ZMYM2: variants seen among roughly 807,000 people sequenced by gnomAD.
The protein encoded by ZMYM2 is zinc finger MYM-type containing 2.
In ZMYM2, 56 loss-of-function variants were observed where a neutral mutation model predicts 162.8. That is an observed-to-expected ratio of 0.34 (90% CI 0.28 to 0.43). The LOEUF (loss-of-function observed/expected upper bound fraction) is 0.43. ZMYM2 is among the 20% of genes least tolerant of loss of function. The pLI, the probability that ZMYM2 is intolerant of heterozygous loss-of-function variation, is 1.00. For synonymous variants in ZMYM2, 510 were observed against 541.6 expected (o/e 0.94, Z 0.81); for missense variants, 1,275 against 1,621.8 (o/e 0.79, Z 3.67).
intron 12 of ZMYM2, among the ~76,000 whole-genome samples, chr13:20,044,395 G>T (rs1198723185): frequency 3.3e-5 from 5 of 152,150 alleles, no homozygotes; most frequent in Non-Finnish European, 7.3e-5. Flanking sequence ...CCAGTGTGTG[G>T]TAGCCCCATG....
the ZMYM2 span, among the ~76,000 whole-genome samples, chr13:19,935,777 T>C: frequency 1.3e-5 from 2 of 152,260 alleles, no homozygotes; most frequent in South Asian, 2.1e-4. Flanking sequence ...CCTTATAGGA[T>C]ACAGAGTAAT....
At chr13:20,002,591 C>T (rs1347923128) in intron 3 of ZMYM2, among the ~76,000 whole-genome samples, 3 of 152,082 alleles carry the variant, frequency 2.0e-5, no homozygotes, top group Non-Finnish European at 4.4e-5. Context: ...CTAGATTGAG[C>T]TCTGAGTTAC....
the ZMYM2 span, among the ~76,000 whole-genome samples, chr13:19,870,523 CTCTTTCTT>C: frequency 2.2e-3 from 273 of 126,380 alleles, 2 homozygotes; most frequent in South Asian, 8.3e-3. Flanking sequence ...CCCTCTTTCT[CTCTTTCTT>C]TCTTTCTCTT....
chr13:19,940,315 G>A, the ZMYM2 span, among the ~76,000 whole-genome samples: 1 of 152,166 alleles, frequency 6.6e-6, no homozygotes, highest in East Asian at 1.9e-4. Flanking sequence ...AGGGATGGAG[G>A]ACAAAAGGGT....
In ZMYM2 at chr13:20,086,205, T is replaced by C; in HGVS notation, c.*191T>C. On this transcript the variant is annotated 3_prime_UTR_variant, in exon 25 of 25. Coordinates refer to ENST00000610343, the MANE Select transcript of ZMYM2 (RefSeq NM_197968.4). The stretch of plus-strand genomic sequence containing the variant: ...ATTATTCTATGTAGTGGTTTTAGGA[T>C]ACTTAACAAATACATTCAAATTCTT... 1 of 437,218 alleles carries C rather than the reference T, an allele frequency of 2.3e-6. No homozygotes were observed. Among genetic ancestry groups the C allele is most frequent in the Non-Finnish European group, 4.0e-6 (1 of 251,232 alleles). The allele number at this position is 437,218 out of a possible 1,614,324, so 27.1% of individuals were successfully genotyped here.
chr13:19,932,455 C>T, the ZMYM2 span, among the ~76,000 whole-genome samples: 7 of 152,008 alleles, frequency 4.6e-5, no homozygotes, highest in Non-Finnish European at 8.8e-5. Flanking sequence ...CAAGACCAGC[C>T]TGGTCAATAT....
intron 8 of ZMYM2, 21 bp downstream of exon 8, chr13:20,026,783 C>T (rs1952621975): frequency 6.4e-7 from 1 of 1,569,380 alleles, no homozygotes; most frequent in Non-Finnish European, 8.6e-7. Context: ...CATATTTGGA[C>T]AGTTAAAAAA....
the ZMYM2 span, among the ~76,000 whole-genome samples, chr13:19,905,234 A>C: frequency 6.6e-6 from 1 of 152,044 alleles, no homozygotes; most frequent in Admixed American, 6.6e-5. Context: ...GCTGGTCTGG[A>C]ACTCCTGACC....
chr13:20,010,635 C>CTGAT (rs1555299862), intron 6 of ZMYM2, among the ~76,000 whole-genome samples: 5 of 150,712 alleles, frequency 3.3e-5, no homozygotes, highest in Non-Finnish European at 4.4e-5. Flanking sequence ...TTTTGTTTGT[C>CTGAT]TGTTTGTTTG....
At chr13:20,032,890 T>C (rs1410945524) in intron 10 of ZMYM2, among the ~76,000 whole-genome samples, 2 of 152,144 alleles carry the variant, frequency 1.3e-5, no homozygotes, top group Non-Finnish European at 2.9e-5. Flanking sequence ...ATCACAGGCG[T>C]GAGCCACCGC....
Position 20,082,948 on chromosome 13 carries a change from C to A in ZMYM2, c.3736C>A (p.His1246Asn). Residue 1246 changes from histidine (H) to asparagine (N), a missense_variant, in exon 23 of 25, where the codon CAT becomes AAT. His to Asn is a moderately conservative substitution (Grantham distance 68). Around this residue, in one of 10 missense-constraint regions of ZMYM2, gnomAD observed 103 missense variants for 192.2 expected, o/e 0.54. Coordinates refer to ENST00000610343, the MANE Select transcript of ZMYM2 (RefSeq NM_197968.4). ...ACTTTCCTTTGGCACTGTGTTTAGG[C>A]ATTGGAAAAAAAATCCTTTAACGAT... ...LRLSFGTVFRHWKKNPLTMEN... is the reference protein window; with the variant it reads ...LRLSFGTVFRNWKKNPLTMEN... 6.2e-7 allele frequency: 1 copy of A among 1,613,854 alleles called. No individual in the cohort carries two copies. The highest frequency in any genetic ancestry group is 8.5e-7 in the Non-Finnish European group (1 of 1,179,846).
intron 8 of ZMYM2, among the ~76,000 whole-genome samples, chr13:20,026,980 T>C (rs1952642816): frequency 6.6e-6 from 1 of 152,124 alleles, no homozygotes; most frequent in South Asian, 2.1e-4. Context: ...TCTAAAAAAT[T>C]ACCCAAAACT....
the ZMYM2 span, among the ~76,000 whole-genome samples, chr13:19,884,842 C>G: frequency 1.3e-5 from 2 of 152,110 alleles, no homozygotes; most frequent in Non-Finnish European, 2.9e-5. Context: ...TAAAAGAAAA[C>G]CTGAGCACAT....
chr13:19,880,876 TTTTG>T, the ZMYM2 span, among the ~76,000 whole-genome samples: 5 of 151,220 alleles, frequency 3.3e-5, no homozygotes, highest in Non-Finnish European at 7.4e-5. Context: ...CTTAAAGTTT[TTTTG>T]TTTTTGTTTT....
chr13:19,973,991 T>C (rs752090523), intron 2 of ZMYM2, among the ~76,000 whole-genome samples: 6 of 152,226 alleles, frequency 3.9e-5, no homozygotes, highest in Non-Finnish European at 7.3e-5. Flanking sequence ...AAGAAAACTT[T>C]AAATGGAAAG....
At chr13:19,868,005 A>T in the ZMYM2 span, among the ~76,000 whole-genome samples, 2 of 152,206 alleles carry the variant, frequency 1.3e-5, no homozygotes, top group Admixed American at 1.3e-4. Context: ...GTTGCTCACC[A>T]TTTGGAGCTT....
At chr13:19,966,755 C>T (rs923967672) in intron 2 of ZMYM2, among the ~76,000 whole-genome samples, 7 of 151,928 alleles carry the variant, frequency 4.6e-5, no homozygotes, top group Admixed American at 1.3e-4. Flanking sequence ...TGTTTTTTTA[C>T]CTAAAGAAAA....
At chr13:20,034,579 A>C (rs569524180) in intron 11 of ZMYM2, among the ~76,000 whole-genome samples, 175 bp downstream of exon 11, 2 of 152,156 alleles carry the variant, frequency 1.3e-5, no homozygotes, top group South Asian at 4.2e-4. Context: ...CTGGGCTTCA[A>C]GATGGTTTTA....
chr13:19,989,852 TAA>T (rs1949469128), intron 2 of ZMYM2, among the ~76,000 whole-genome samples: 1 of 152,228 alleles, frequency 6.6e-6, no homozygotes, highest in Non-Finnish European at 1.5e-5. Flanking sequence ...CTGTAACTTT[TAA>T]AAGTCATCAG....
Sources: gnomAD v4.1 joint callset for allele counts (sites outside exome capture counted in the v4.1 genomes callset) on GRCh38, gnomAD v4.1.1 for gene constraint, gnomAD v4.1.1 regional missense constraint, MANE v1.5 for transcripts, NCBI Gene and HGNC (gene_info 2026-07-23, HGNC 2026-07-21) for gene names.